FGF10: variants seen among roughly 807,000 people sequenced by gnomAD.
The protein encoded by FGF10 is fibroblast growth factor 10.
A neutral mutation model predicts 19.8 loss-of-function variants in FGF10; 2 were observed. The ratio of observed to expected loss-of-function variants is 0.10; its 90% confidence interval spans 0.04 to 0.32. FGF10 has a LOEUF of 0.32. FGF10 is among the 10% of genes least tolerant of loss of function. FGF10 has a pLI of 1.00. For synonymous variants in FGF10, 112 were observed against 94.0 expected (o/e 1.19, Z -1.10); for missense variants, 191 against 246.3 (o/e 0.78, Z 1.50).
chr5:44,376,456 C>A, intron 1 of FGF10, among the ~76,000 whole-genome samples: 1 of 73,116 alleles, frequency 1.4e-5, no homozygotes, highest in African/African-American at 4.4e-5. Flanking sequence ...TTATCTAAAC[C>A]AAGTAAATCT....
At chr5:44,328,664 A>G (rs1040039206) in intron 1 of FGF10, among the ~76,000 whole-genome samples, 8 of 152,144 alleles carry the variant, frequency 5.3e-5, no homozygotes, top group Admixed American at 3.3e-4. Flanking sequence ...CAGAAGGCTG[A>G]GGTAGGAAAA....
rs147715509 is a variant in FGF10, at chr5:44,305,002, T to C, written c.620A>G (p.His207Arg). The change falls in exon 3 of 3, where the codon CAC (histidine) becomes CGC (arginine). Residue 207 changes from histidine (H) to arginine (R), a missense_variant. Transcript: ENST00000264664. Reference sequence around the variant, plus strand: ...CACAAACGTTGCCTTCCTCTATGAGTGTACCACCATTGGAAGAAAGTGAGC... The same window carrying C: ...CACAAACGTTGCCTTCCTCTATGAGCGTACCACCATTGGAAGAAAGTGAGC... Reference protein sequence around the residue: ...TSAHFLPMVVHS With the variant: ...TSAHFLPMVVRS 13 of 1,613,890 alleles carry C rather than the reference T, an allele frequency of 8.1e-6. No homozygotes were observed. Among genetic ancestry groups the C allele is most frequent in the Non-Finnish European group, 1.1e-5 (13 of 1,179,800 alleles).
rs891759790 is a variant in FGF10 at position 44,304,674 on chromosome 5, T to G, written c.*321A>C. 2.9e-6 allele frequency: 1 copy of G among 341,502 alleles called. No homozygotes were observed. The highest frequency in any genetic ancestry group is 2.1e-5 in the African/African-American group (1 of 47,336). 21.2% of individuals were successfully genotyped at this position (341,502 alleles called of 1,614,324 possible). On this transcript the variant is annotated 3_prime_UTR_variant, in exon 3 of 3. Transcript: ENST00000264664. ...TCTTTCAACAGATTGTTCTATGTCC[T>G]TTAAGTTCTATCTCAGAGGTTTAAA... is the stretch of plus-strand genomic sequence containing the variant.
intron 1 of FGF10, among the ~76,000 whole-genome samples, chr5:44,358,077 C>T (rs1285597849): frequency 2.0e-5 from 3 of 151,402 alleles, no homozygotes; most frequent in Non-Finnish European, 3.0e-5. Context: ...TTCTTCCACC[C>T]TACTTTTGTT....
chr5:44,376,949 T>C (rs930879222), intron 1 of FGF10, among the ~76,000 whole-genome samples: 24 of 152,066 alleles, frequency 1.6e-4, no homozygotes, highest in Non-Finnish European at 3.1e-4. Context: ...TGCCAGAAAG[T>C]TTAGATCCGC....
intron 1 of FGF10, among the ~76,000 whole-genome samples, chr5:44,343,391 C>T (rs75692157): frequency 0.011 from 1,639 of 151,942 alleles, 29 homozygotes; most frequent in African/African-American, 0.037. Flanking sequence ...ATTGTATTAT[C>T]CAGTTTTATT....
intron 1 of FGF10, among the ~76,000 whole-genome samples, chr5:44,362,750 C>T (rs1014055720): frequency 6.6e-6 from 1 of 151,474 alleles, no homozygotes; most frequent in Non-Finnish European, 1.5e-5. Flanking sequence ...ATCCTTTACC[C>T]TCTGCTAAAG....
At chr5:44,340,862 CAAAG>C (rs777584203) in intron 1 of FGF10, among the ~76,000 whole-genome samples, 2 of 150,034 alleles carry the variant, frequency 1.3e-5, no homozygotes, top group Non-Finnish European at 3.0e-5. Context: ...AATTGACAGT[CAAAG>C]AAAGAATCAA....
At chr5:44,372,634 A>C (rs1194755255) in intron 1 of FGF10, among the ~76,000 whole-genome samples, 1 of 152,194 alleles carries the variant, frequency 6.6e-6, no homozygotes, top group East Asian at 1.9e-4. Flanking sequence ...GATATGGATA[A>C]GACTCTGGGT....
At chr5:44,349,437 T>TCAG (rs1402044259) in intron 1 of FGF10, among the ~76,000 whole-genome samples, 2 of 18,998 alleles carry the variant, frequency 1.1e-4, no homozygotes, top group South Asian at 2.6e-3. Flanking sequence ...TATATATATA[T>TCAG]ATATATATAT....
intron 1 of FGF10, among the ~76,000 whole-genome samples, chr5:44,368,500 CTCAGACTAA>C (rs1561216772): frequency 6.6e-6 from 1 of 152,100 alleles, no homozygotes; most frequent in African/African-American, 2.4e-5. Flanking sequence ...CAATAATCAT[CTCAGACTAA>C]TTAGTTATGG....
intron 1 of FGF10, among the ~76,000 whole-genome samples, chr5:44,333,156 T>C (rs1291052607): frequency 1.3e-5 from 2 of 152,188 alleles, no homozygotes; most frequent in Non-Finnish European, 2.9e-5. Flanking sequence ...TTTACAATTC[T>C]ATAATTATGT....
chr5:44,387,271 C>A (rs1280835427), intron 1 of FGF10, among the ~76,000 whole-genome samples: 1 of 152,144 alleles, frequency 6.6e-6, no homozygotes, highest in African/African-American at 2.4e-5. Flanking sequence ...ACAATATCCA[C>A]CCCTCTTCTT....
intron 1 of FGF10, among the ~76,000 whole-genome samples, chr5:44,357,758 T>C (rs1292411129): frequency 6.6e-6 from 1 of 151,482 alleles, no homozygotes; most frequent in Non-Finnish European, 1.5e-5. Flanking sequence ...TCTCCTGCTT[T>C]TCAACATCTT....
chr5:44,340,010 G>T (rs1740933564), intron 1 of FGF10, among the ~76,000 whole-genome samples: 1 of 152,142 alleles, frequency 6.6e-6, no homozygotes, highest in African/African-American at 2.4e-5. Context: ...GAGGCTGGGA[G>T]TGAAGAACTT....
chr5:44,331,382 C>T (rs1023552591), intron 1 of FGF10, among the ~76,000 whole-genome samples: 2 of 152,034 alleles, frequency 1.3e-5, no homozygotes, highest in Non-Finnish European at 2.9e-5. Context: ...CCATAAACTT[C>T]ATGTGATTTT....
chr5:44,310,327 AT>A (rs771886244), intron 2 of FGF10, 99 bp downstream of exon 2: 200 of 783,944 alleles, frequency 2.6e-4, no homozygotes, highest in Non-Finnish European at 4.0e-4. Flanking sequence ...TTTACTAGCA[AT>A]AGAAGGATAA....
At chr5:44,350,230 TA>T (rs1741201008) in intron 1 of FGF10, among the ~76,000 whole-genome samples, 1 of 150,744 alleles carries the variant, frequency 6.6e-6, no homozygotes, top group South Asian at 2.1e-4. Context: ...AACTAAGATA[TA>T]ACTAGAAGTC....
intron 2 of FGF10, among the ~76,000 whole-genome samples, chr5:44,307,156 C>G (rs1032750200): frequency 1.3e-5 from 2 of 152,106 alleles, no homozygotes; most frequent in Non-Finnish European, 2.9e-5. Flanking sequence ...AGTAATGTTT[C>G]TTAAATTGAA....
Sources: allele counts gnomAD v4.1 joint callset (sites outside exome capture counted in the v4.1 genomes callset), GRCh38; gene constraint gnomAD v4.1.1; transcripts MANE v1.5; gene names NCBI Gene and HGNC (gene_info 2026-07-23, HGNC 2026-07-21).